DLG2: variants seen among roughly 807,000 people sequenced by gnomAD.
The protein encoded by DLG2 is disks large homolog 2.
DLG2 carries 45 observed loss-of-function variants against 132.5 expected under a neutral mutation model. The observed-to-expected ratio is 0.34, with a 90% confidence interval of 0.27 to 0.44. The LOEUF (loss-of-function observed/expected upper bound fraction) is 0.44. Among genes scored for constraint, DLG2 ranks in the 20% least tolerant of loss-of-function variants. DLG2 has a pLI of 1.00. For synonymous variants in DLG2, 424 were observed against 419.6 expected, an observed-to-expected ratio of 1.01 and a Z score of -0.13; for missense variants, 1,045 against 1,196.9, an observed-to-expected ratio of 0.87 and a Z score of 1.87.
At chr11:84,320,485 A>G (rs951529826) in intron 7 of DLG2, among the ~76,000 whole-genome samples, 3 of 152,180 alleles carry the variant, frequency 2.0e-5, no homozygotes, top group Non-Finnish European at 4.4e-5. Context: ...TGCTTTGAAA[A>G]GTGTGTACAG....
chr11:84,804,189 G>C (rs2075744575), intron 6 of DLG2, among the ~76,000 whole-genome samples: 1 of 152,182 alleles, frequency 6.6e-6, no homozygotes, highest in Non-Finnish European at 1.5e-5. Context: ...CTTAGGACAA[G>C]ACTGGCAGCC....
intron 7 of DLG2, among the ~76,000 whole-genome samples, chr11:84,507,601 G>T (rs1398925540): frequency 6.6e-6 from 1 of 152,174 alleles, no homozygotes. Context: ...GATGTTGGCT[G>T]CAGGTTTATC....
intron 19 of DLG2, among the ~76,000 whole-genome samples, chr11:83,561,883 C>CTTTT (rs66514406): frequency 0.014 from 1,270 of 87,880 alleles, 1 homozygote; most frequent in Non-Finnish European, 0.02. Flanking sequence ...GTATTTCTTT[C>CTTTT]TTTTTTTTTT....
intron 6 of DLG2, among the ~76,000 whole-genome samples, chr11:84,974,933 T>A (rs891362803): frequency 3.0e-4 from 46 of 152,338 alleles, no homozygotes; most frequent in Admixed American, 7.8e-4. Context: ...ATGATTTAAT[T>A]TGATCTCCAA....
At chr11:84,840,565 A>G (rs964949101) in intron 6 of DLG2, among the ~76,000 whole-genome samples, 3 of 152,176 alleles carry the variant, frequency 2.0e-5, no homozygotes, top group Non-Finnish European at 4.4e-5. Flanking sequence ...GGCACTATTC[A>G]CAATAGCAAA....
At chr11:83,849,745 G>A (rs1177259366) in intron 16 of DLG2, among the ~76,000 whole-genome samples, 4 of 79,800 alleles carry the variant, frequency 5.0e-5, no homozygotes, top group African/African-American at 1.7e-4. Context: ...ACAATCTGGA[G>A]CTCCTTTTTT....
chr11:85,006,789 C>T (rs1476012084), intron 6 of DLG2, among the ~76,000 whole-genome samples: 1 of 151,958 alleles, frequency 6.6e-6, no homozygotes, highest in Admixed American at 6.6e-5. Flanking sequence ...TTTGTTTACC[C>T]TTGCTTCTGT....
intron 6 of DLG2, among the ~76,000 whole-genome samples, chr11:84,984,667 T>C (rs1311159): frequency 0.11 from 17,364 of 151,420 alleles, 1,123 homozygotes; most frequent in South Asian, 0.22. Context: ...TGAATGTAAA[T>C]GGCCTAAATG....
intron 6 of DLG2, among the ~76,000 whole-genome samples, chr11:85,015,177 G>A (rs920167627): frequency 2.6e-5 from 4 of 152,088 alleles, no homozygotes; most frequent in Non-Finnish European, 5.9e-5. Context: ...TTCAAACTGA[G>A]TATCTCCCTT....
intron 19 of DLG2, among the ~76,000 whole-genome samples, chr11:83,572,552 G>A (rs7929365): frequency 0.012 from 1,882 of 152,254 alleles, 36 homozygotes; most frequent in African/African-American, 0.043. Context: ...CCCTATTCAA[G>A]GCAATTGAAT....
intron 9 of DLG2, among the ~76,000 whole-genome samples, chr11:84,113,077 T>C (rs2093445940): frequency 6.6e-6 from 1 of 152,240 alleles, no homozygotes; most frequent in Non-Finnish European, 1.5e-5. Flanking sequence ...ACTGTTGGTG[T>C]CTTAGTACAA....
intron 7 of DLG2, among the ~76,000 whole-genome samples, chr11:84,468,172 T>G: frequency 6.6e-6 from 1 of 151,576 alleles, no homozygotes; most frequent in Non-Finnish European, 1.5e-5. Flanking sequence ...TCATACTACA[T>G]TTTATAACAC....
intron 19 of DLG2, among the ~76,000 whole-genome samples, chr11:83,617,015 T>C (rs914465680): frequency 2.0e-5 from 3 of 152,200 alleles, no homozygotes; most frequent in Non-Finnish European, 2.9e-5. Flanking sequence ...TCTACACTTA[T>C]ACCAATTTCA....
intron 6 of DLG2, among the ~76,000 whole-genome samples, chr11:84,606,701 C>G (rs372080540): frequency 1.8e-4 from 28 of 152,022 alleles, no homozygotes; most frequent in South Asian, 1.5e-3. Flanking sequence ...CAAGTGCACT[C>G]GCATTATGAA....
intron 22 of DLG2, among the ~76,000 whole-genome samples, 196 bp from the exon 23 acceptor site, chr11:83,472,973 A>C (rs1174881803): frequency 1.3e-5 from 2 of 152,044 alleles, no homozygotes; most frequent in Non-Finnish European, 2.9e-5. Flanking sequence ...CACAGTCATA[A>C]CTCTAAGTAA....
At chr11:83,602,427 G>C (rs972035954) in intron 19 of DLG2, among the ~76,000 whole-genome samples, 1 of 152,214 alleles carries the variant, frequency 6.6e-6, no homozygotes, top group African/African-American at 2.4e-5. Context: ...TATTCTTGTG[G>C]AGAGTTACAA....
At chr11:83,868,515 C>T (rs1181739568) in intron 16 of DLG2, among the ~76,000 whole-genome samples, 1 of 152,008 alleles carries the variant, frequency 6.6e-6, no homozygotes, top group East Asian at 1.9e-4. Context: ...TACATATATA[C>T]ATATGTGTGT....
intron 3 of DLG2, among the ~76,000 whole-genome samples, chr11:85,440,828 G>T (rs1479429044): frequency 2.6e-5 from 4 of 152,142 alleles, no homozygotes; most frequent in Non-Finnish European, 4.4e-5. Flanking sequence ...AGGCTCTGGT[G>T]TTATAAATTC....
At chr11:85,005,842 A>G (rs914778461) in intron 6 of DLG2, among the ~76,000 whole-genome samples, 3 of 152,274 alleles carry the variant, frequency 2.0e-5, no homozygotes, top group Non-Finnish European at 2.9e-5. Flanking sequence ...TTGCCCATTC[A>G]GTATGATATT....
Sources: gnomAD v4.1 joint callset for allele counts (sites outside exome capture counted in the v4.1 genomes callset) on GRCh38, gnomAD v4.1.1 for gene constraint, MANE v1.5 for transcripts, NCBI Gene and HGNC (gene_info 2026-07-23, HGNC 2026-07-21) for gene names.